Variants in CFAP43 observed in about 807,000 individuals in gnomAD.
CFAP43 encodes cilia and flagella associated protein 43.
Under a neutral mutation model 218.9 loss-of-function variants are expected in CFAP43, and 155 were observed. The observed-to-expected ratio is 0.71, with a 90% CI of 0.62 to 0.81. The LOEUF (loss-of-function observed/expected upper bound fraction) is 0.81. CFAP43 is among the 30% of genes least tolerant of loss of function. The probability of loss-of-function intolerance (pLI) is 0.00; values close to 1 mark genes in which losing one functional copy is unlikely to be tolerated. For synonymous variants in CFAP43, 645 were observed against 681.3 expected (o/e 0.95, Z 0.83); for missense variants, 1,778 against 1,954.3 (o/e 0.91, Z 1.70).
At chr10:104,166,337 A>C (rs942038761) in intron 23 of CFAP43, 151 bp downstream of exon 23, 1 of 620,734 alleles carries the variant, frequency 1.6e-6, no homozygotes, top group Admixed American at 3.0e-5. Context: ...CTCCCAAAGT[A>C]CTGGGATTAC....
intron 20 of CFAP43, among the ~76,000 whole-genome samples, chr10:104,170,342 C>A (rs1340968270): frequency 6.6e-6 from 1 of 152,048 alleles, no homozygotes; most frequent in Non-Finnish European, 1.5e-5. Flanking sequence ...GGGGCAGAGG[C>A]ACAGGGTGGC....
At chr10:104,224,875 G>T (rs1449567422) in intron 3 of CFAP43, among the ~76,000 whole-genome samples, 2 of 150,636 alleles carry the variant, frequency 1.3e-5, no homozygotes, top group African/African-American at 4.9e-5. Context: ...GGAATATTTT[G>T]TACTTCCCCT....
At chr10:104,216,038 C>A (rs760593190) in intron 3 of CFAP43, among the ~76,000 whole-genome samples, 3 of 152,132 alleles carry the variant, frequency 2.0e-5, no homozygotes, top group Non-Finnish European at 4.4e-5. Context: ...CTCATCCATA[C>A]CATCCTCAAA....
chr10:104,148,098 A>G (rs1038359542), intron 28 of CFAP43, 100 bp from the exon 29 acceptor site: 16 of 531,920 alleles, frequency 3.0e-5, no homozygotes, highest in Admixed American at 7.8e-5. Context: ...TGACATACAC[A>G]TAAACTTTAA....
At chr10:104,216,712 C>T (rs2091021187) in intron 3 of CFAP43, among the ~76,000 whole-genome samples, 2 of 152,064 alleles carry the variant, frequency 1.3e-5, no homozygotes, top group African/African-American at 4.8e-5. Flanking sequence ...CATAGAACCT[C>T]TCAGAAGACC....
At chr10:104,201,623 C>T (rs2090535857) in intron 8 of CFAP43, among the ~76,000 whole-genome samples, 1 of 151,754 alleles carries the variant, frequency 6.6e-6, no homozygotes, top group Non-Finnish European at 1.5e-5. Flanking sequence ...CCCCCCCCAA[C>T]TTATATTATT....
chr10:104,159,669 A>G lies in CFAP43; in HGVS notation c.3540+1368T>C, dbSNP rs558709187. Among the ~76,000 whole-genome samples the G allele has an allele frequency of 1.2e-4, 18 of 152,272 alleles. No homozygotes were observed. The South Asian group carries it at 3.7e-3, about 32-fold the overall frequency. On this transcript the variant is annotated intron_variant, in intron 27 of 37. Coordinates refer to ENST00000357060, the MANE Select transcript of CFAP43 (RefSeq NM_025145.7). ...TAGAGGAGTAAGGGAAATAACTTTT[A>G]GTTGTCTCTCTTCTCTTAGTAAAAT...
At chr10:104,134,550 T>C (rs148926268) in intron 34 of CFAP43, among the ~76,000 whole-genome samples, 293 of 152,166 alleles carry the variant, frequency 1.9e-3, no homozygotes, top group African/African-American at 6.9e-3. Flanking sequence ...AAATCAAGAA[T>C]ATTACTACCA....
At chr10:104,149,312 C>T (rs149705136) in intron 28 of CFAP43, among the ~76,000 whole-genome samples, 6 of 152,118 alleles carry the variant, frequency 3.9e-5, no homozygotes, top group Middle Eastern at 3.2e-3. Context: ...ACTCAACGCC[C>T]GGGTCCATTA....
At chr10:104,185,741 G>A (rs1026099130) in intron 15 of CFAP43, among the ~76,000 whole-genome samples, 1 of 152,118 alleles carries the variant, frequency 6.6e-6, no homozygotes, top group Non-Finnish European at 1.5e-5. Flanking sequence ...TTTTTAAATA[G>A]GCAATACATT....
At chr10:104,155,499 A>G (rs1308828998) in intron 27 of CFAP43, among the ~76,000 whole-genome samples, 6 of 152,274 alleles carry the variant, frequency 3.9e-5, no homozygotes, top group Admixed American at 3.3e-4. Flanking sequence ...CACAGTTACT[A>G]TATAACCGTC....
intron 3 of CFAP43, among the ~76,000 whole-genome samples, chr10:104,217,875 G>A (rs1203459201): frequency 1.3e-5 from 2 of 152,152 alleles, no homozygotes; most frequent in East Asian, 1.9e-4. Flanking sequence ...AAATTTAGCA[G>A]ATTTATAATT....
At chr10:104,214,450 GA>G (rs772962223) in intron 3 of CFAP43, 24 bp from the exon 4 acceptor site, 22 of 1,523,158 alleles carry the variant, frequency 1.4e-5, no homozygotes, top group Middle Eastern at 1.8e-4. Flanking sequence ...AGCATTTGAT[GA>G]AAAAAAGTTC....
chr10:104,183,817 G>A (rs2089940340), intron 16 of CFAP43, among the ~76,000 whole-genome samples: 1 of 152,152 alleles, frequency 6.6e-6, no homozygotes, highest in African/African-American at 2.4e-5. Context: ...GCCTGAGATA[G>A]TATTTGTTCG....
At chr10:104,135,679 G>A (rs2134733153) in intron 34 of CFAP43, among the ~76,000 whole-genome samples, 1 of 152,230 alleles carries the variant, frequency 6.6e-6, no homozygotes, top group African/African-American at 2.4e-5. Flanking sequence ...TAAAAAGTGT[G>A]TGTACAAAGA....
chr10:104,181,473 C>A (rs1346327439), intron 17 of CFAP43, among the ~76,000 whole-genome samples: 2 of 152,208 alleles, frequency 1.3e-5, no homozygotes, highest in African/African-American at 4.8e-5. Context: ...TCAATAATGT[C>A]AACTATACCT....
intron 9 of CFAP43, 135 bp from the exon 10 acceptor site, chr10:104,197,068 T>C (rs879204313): frequency 1.6e-6 from 1 of 610,222 alleles, no homozygotes; most frequent in Middle Eastern, 2.9e-4. Flanking sequence ...TAAATACTTA[T>C]TTTATCATTT....
chr10:104,154,722 TG>T (rs1359774234), intron 27 of CFAP43, among the ~76,000 whole-genome samples: 1 of 152,230 alleles, frequency 6.6e-6, no homozygotes, highest in Non-Finnish European at 1.5e-5. Flanking sequence ...AGAATCTTTT[TG>T]TAGTGTAAAA....
chr10:104,134,073 A>G (rs781211458), intron 34 of CFAP43, among the ~76,000 whole-genome samples: 8 of 152,042 alleles, frequency 5.3e-5, no homozygotes, highest in Non-Finnish European at 7.4e-5. Flanking sequence ...CAATCTACCA[A>G]CCTGTATGCA....
Sources: allele counts gnomAD v4.1 joint callset (sites outside exome capture counted in the v4.1 genomes callset), GRCh38; gene constraint gnomAD v4.1.1; transcripts MANE v1.5; gene names NCBI Gene and HGNC (gene_info 2026-07-23, HGNC 2026-07-21).